Variants in FBXL17 observed in about 807,000 individuals in gnomAD.
The protein encoded by FBXL17 is F-box and leucine rich repeat protein 17.
In FBXL17, 22 loss-of-function variants were observed where a neutral mutation model predicts 66.2. That is an observed-to-expected ratio of 0.33 (90% CI 0.24 to 0.47). The LOEUF is 0.47. Among genes scored for constraint, FBXL17 ranks in the 20% least tolerant of loss-of-function variants. The pLI is 1.00. For missense variants in FBXL17, 878 were observed against 948.2 expected (o/e 0.93, Z 0.97); for synonymous variants, 474 against 400.5 (o/e 1.18, Z -2.19).
At chr5:108,021,087 G>C (rs1367246289) in intron 6 of FBXL17, 86 bp from the exon 7 acceptor site, 1 of 896,644 alleles carries the variant, frequency 1.1e-6, no homozygotes, top group African/African-American at 1.6e-5. Flanking sequence ...GTCAGTATTT[G>C]GTGAATGCCA....
At chr5:107,902,701 C>A (rs1749609966) in intron 7 of FBXL17, among the ~76,000 whole-genome samples, 1 of 152,074 alleles carries the variant, frequency 6.6e-6, no homozygotes, top group Non-Finnish European at 1.5e-5. Flanking sequence ...TCTTTTAGTA[C>A]TTTCTTCCCA....
At chr5:108,204,653 C>G (rs1343899821) in intron 5 of FBXL17, among the ~76,000 whole-genome samples, 1 of 152,170 alleles carries the variant, frequency 6.6e-6, no homozygotes. Flanking sequence ...TCAGACTCTA[C>G]AGGTAGCCTA....
At chr5:108,119,565 T>C (rs1373730005) in intron 6 of FBXL17, among the ~76,000 whole-genome samples, 1 of 152,122 alleles carries the variant, frequency 6.6e-6, no homozygotes, top group Non-Finnish European at 1.5e-5. Context: ...ATGAAGAAAG[T>C]TCTGGAATAT....
At position 108,091,655 on chromosome 5, in the gene FBXL17, T is replaced by C. The variant is rs143917634; in HGVS notation, c.1746-70654A>G. 2.7e-3 allele frequency among the ~76,000 whole-genome samples: 405 copies of C among 152,322 alleles called. 5 individuals are homozygous for C. The highest frequency in any genetic ancestry group is 9.3e-3 in the African/African-American group (388 of 41,568). ...TGAGAATGGGAATCAGGCCTTATACTTTCCCCCTACTTCTTACACACACAG... is the reference window on the plus strand; with the variant it reads ...TGAGAATGGGAATCAGGCCTTATACCTTCCCCCTACTTCTTACACACACAG... On this transcript the variant is annotated intron_variant, in intron 6 of 8. Transcript: ENST00000542267.
chr5:108,278,516 G>C (rs1270784708), intron 4 of FBXL17, among the ~76,000 whole-genome samples: 4 of 152,186 alleles, frequency 2.6e-5, no homozygotes, highest in Non-Finnish European at 2.9e-5. Flanking sequence ...ACTGTCTCTG[G>C]GACTTAGGCA....
At chr5:108,012,012 T>C (rs1203856713) in intron 7 of FBXL17, among the ~76,000 whole-genome samples, 1 of 152,232 alleles carries the variant, frequency 6.6e-6, no homozygotes, top group Non-Finnish European at 1.5e-5. Context: ...TCTCATTGAA[T>C]GTTGTCTTAA....
At chr5:108,282,331 G>C (rs1221592551) in intron 4 of FBXL17, among the ~76,000 whole-genome samples, 6 of 151,694 alleles carry the variant, frequency 4.0e-5, no homozygotes, top group African/African-American at 1.4e-4. Flanking sequence ...CAAGTGGGTT[G>C]AATGTATCAG....
chr5:108,222,020 CAAGTCCA>C (rs1382087709), intron 5 of FBXL17, among the ~76,000 whole-genome samples: 2 of 152,184 alleles, frequency 1.3e-5, no homozygotes, highest in Non-Finnish European at 2.9e-5. Flanking sequence ...AACTGTAATA[CAAGTCCA>C]ATAGATTCTG....
chr5:107,897,130 C>A (rs1404414675), intron 7 of FBXL17, among the ~76,000 whole-genome samples: 49 of 151,932 alleles, frequency 3.2e-4, no homozygotes, highest in Admixed American at 3.2e-3. Flanking sequence ...TTCTGTCAAC[C>A]AAGAGGCGGC....
chr5:108,194,551 A>G (rs158168), intron 5 of FBXL17, among the ~76,000 whole-genome samples: 113,934 of 152,042 alleles, frequency 0.75, 43,053 homozygotes, highest in East Asian at 0.93. Flanking sequence ...TGACTTCTCC[A>G]TCTCTTCACC....
At chr5:108,031,500 TA>T (rs998448919) in intron 6 of FBXL17, among the ~76,000 whole-genome samples, 2 of 151,912 alleles carry the variant, frequency 1.3e-5, no homozygotes, top group Non-Finnish European at 2.9e-5. Context: ...TCATAGGAGT[TA>T]AAAAAATCAG....
intron 6 of FBXL17, among the ~76,000 whole-genome samples, chr5:108,096,135 C>T (rs1327788172): frequency 1.3e-5 from 2 of 152,128 alleles, no homozygotes; most frequent in Admixed American, 1.3e-4. Flanking sequence ...TACTGCAACA[C>T]AAAATACTCT....
intron 7 of FBXL17, among the ~76,000 whole-genome samples, chr5:107,964,555 A>C (rs1201452171): frequency 6.6e-6 from 1 of 152,140 alleles, no homozygotes; most frequent in Non-Finnish European, 1.5e-5. Flanking sequence ...TCATACTTTA[A>C]GAATCTTAAT....
Position 108,382,027 on chromosome 5 carries a change from C to T in FBXL17, c.-336G>A. ...CGGCTCAGTCAGTCAGCGGAGCGGC[C>T]GGGGAAAGGCCGGGTCCCGCTCGGA... On this transcript the variant is annotated 5_prime_UTR_variant, in exon 1 of 9. Coordinates refer to ENST00000542267, the MANE Select transcript of FBXL17 (RefSeq NM_001163315.3). 9.5e-7 allele frequency: 1 copy of T among 1,051,540 alleles called. No homozygotes were observed. The highest frequency in any genetic ancestry group is 1.2e-6 in the Non-Finnish European group (1 of 855,764). 65.1% of individuals were successfully genotyped at this position (1,051,540 alleles called of 1,614,324 possible). A position where few individuals can be genotyped will look rare whatever the true frequency, so the allele number is the denominator to read the frequency against.
chr5:108,146,185 T>A (rs544447810), intron 6 of FBXL17, among the ~76,000 whole-genome samples: 7 of 150,762 alleles, frequency 4.6e-5, no homozygotes, highest in African/African-American at 1.7e-4. Flanking sequence ...TGAGCCGAGA[T>A]GGCACCACTG....
At chr5:108,217,939 A>T (rs1754678806) in intron 5 of FBXL17, among the ~76,000 whole-genome samples, 1 of 152,068 alleles carries the variant, frequency 6.6e-6, no homozygotes, top group Non-Finnish European at 1.5e-5. Flanking sequence ...TGTTGTTGCA[A>T]ATGACAGAAA....
intron 4 of FBXL17, among the ~76,000 whole-genome samples, chr5:108,282,888 T>G (rs1220313193): frequency 6.6e-6 from 1 of 151,220 alleles, no homozygotes; most frequent in Non-Finnish European, 1.5e-5. Flanking sequence ...AGAAATCAAG[T>G]TGGCAATCCC....
chr5:108,255,579 G>T (rs1756541426), intron 4 of FBXL17, among the ~76,000 whole-genome samples: 2 of 151,990 alleles, frequency 1.3e-5, no homozygotes, highest in African/African-American at 2.4e-5. Flanking sequence ...TCATAATTAG[G>T]CTTAATCTCA....
chr5:108,036,991 A>G (rs1175609802), intron 6 of FBXL17, among the ~76,000 whole-genome samples: 3 of 152,190 alleles, frequency 2.0e-5, no homozygotes, highest in African/African-American at 7.2e-5. Context: ...AGCTTGTGGT[A>G]ACAAAACAAA....
Sources: allele counts gnomAD v4.1 joint callset (sites outside exome capture counted in the v4.1 genomes callset), GRCh38; gene constraint gnomAD v4.1.1; transcripts MANE v1.5; gene names NCBI Gene and HGNC (gene_info 2026-07-23, HGNC 2026-07-21).